LHFPL2: variants seen among roughly 807,000 people sequenced by gnomAD.
The protein encoded by LHFPL2 is LHFPL tetraspan subfamily member 2, also known as LHFPL tetraspan subfamily member 2 protein.
Under a neutral mutation model 17.5 loss-of-function variants are expected in LHFPL2, and 7 were observed. That is an observed-to-expected ratio of 0.40 (90% CI 0.23 to 0.75). LHFPL2 has a LOEUF of 0.75. Ranked by LOEUF, LHFPL2 falls within the 30% of genes least tolerant of loss-of-function variation. The pLI is 0.37. For missense variants in LHFPL2, 241 were observed against 294.8 expected (o/e 0.82, Z 1.34); for synonymous variants, 134 against 116.2 (o/e 1.15, Z -0.99).
intron 2 of LHFPL2, among the ~76,000 whole-genome samples, chr5:78,621,782 G>A (rs1484255766): frequency 6.6e-6 from 1 of 152,098 alleles, no homozygotes. Flanking sequence ...CTGTTAGCAG[G>A]TCAGGCCTGT....
intron 3 of LHFPL2, among the ~76,000 whole-genome samples, chr5:78,528,769 A>G (rs939753066): frequency 6.6e-6 from 1 of 152,238 alleles, no homozygotes; most frequent in Non-Finnish European, 1.5e-5. Context: ...CAAATAGGAA[A>G]CTGAGGCAAT....
At chr5:78,574,082 CAA>C (rs1291423541) in intron 2 of LHFPL2, among the ~76,000 whole-genome samples, 3 of 152,114 alleles carry the variant, frequency 2.0e-5, no homozygotes, top group Non-Finnish European at 4.4e-5. Flanking sequence ...TCCCAATTCC[CAA>C]AGAGGAGGAG....
At chr5:78,607,926 G>A (rs779467445) in intron 2 of LHFPL2, among the ~76,000 whole-genome samples, 1 of 152,116 alleles carries the variant, frequency 6.6e-6, no homozygotes, top group Non-Finnish European at 1.5e-5. Flanking sequence ...AATCACTCTA[G>A]GCAGTAAAAG....
intron 4 of LHFPL2, among the ~76,000 whole-genome samples, chr5:78,503,155 T>C (rs1754825408): frequency 6.6e-6 from 1 of 152,226 alleles, no homozygotes; most frequent in Admixed American, 6.5e-5. Context: ...GAATACCACC[T>C]TTGCATTAAG....
At chr5:78,561,372 C>T (rs940150644) in intron 3 of LHFPL2, among the ~76,000 whole-genome samples, 2 of 152,320 alleles carry the variant, frequency 1.3e-5, no homozygotes, top group East Asian at 1.9e-4. Context: ...ACTACCGTAT[C>T]GGATGGTGCA....
At chr5:78,531,216 G>C (rs1355968390) in intron 3 of LHFPL2, among the ~76,000 whole-genome samples, 2 of 152,096 alleles carry the variant, frequency 1.3e-5, no homozygotes. Flanking sequence ...GGGAGTTCGA[G>C]ACCAGCCTGA....
intron 3 of LHFPL2, among the ~76,000 whole-genome samples, chr5:78,553,268 CCT>C (rs1756494331): frequency 1.3e-5 from 2 of 152,180 alleles, no homozygotes. Context: ...CTGCCATTCC[CCT>C]CTTTCATCCC....
intron 1 of LHFPL2, among the ~76,000 whole-genome samples, chr5:78,635,527 G>T (rs966957962): frequency 6.6e-6 from 1 of 152,250 alleles, no homozygotes; most frequent in Non-Finnish European, 1.5e-5. Context: ...AACCGGCCAG[G>T]CACAGTGGCT....
intron 3 of LHFPL2, among the ~76,000 whole-genome samples, chr5:78,528,525 G>A (rs1050612921): frequency 6.6e-6 from 1 of 152,120 alleles, no homozygotes; most frequent in Admixed American, 6.5e-5. Context: ...TGTCTTCCAC[G>A]AAACAGGTCC....
intron 2 of LHFPL2, among the ~76,000 whole-genome samples, chr5:78,593,900 A>G (rs559989263): frequency 2.0e-5 from 3 of 152,294 alleles, no homozygotes; most frequent in East Asian, 3.9e-4. Flanking sequence ...ATGAGGCAAG[A>G]AGGAGGGGGG....
intron 3 of LHFPL2, among the ~76,000 whole-genome samples, chr5:78,536,551 A>T (rs1411621143): frequency 6.6e-6 from 1 of 152,198 alleles, no homozygotes; most frequent in Non-Finnish European, 1.5e-5. Context: ...GAAAATTTTA[A>T]ATGACCAAAA....
intron 4 of LHFPL2, among the ~76,000 whole-genome samples, chr5:78,500,024 GAAAA>G (rs1031385394): frequency 1.5e-5 from 1 of 66,094 alleles, no homozygotes; most frequent in African/African-American, 5.9e-5. Context: ...GGACCAAAAG[GAAAA>G]AAAAAAAAAG....
rs1743534353 is a variant in LHFPL2, at chr5:78,589,126, C to G, written c.-244-24255G>C. Among the ~76,000 whole-genome samples, 2 of 152,052 alleles carry G rather than the reference C, an allele frequency of 1.3e-5. 1 individual carries two copies. The highest frequency in any genetic ancestry group is 4.1e-4 in the South Asian group (2 of 4,826). ...CCCAGACTGTGCTTTCCATTGCATCCAGTTGCCATTGAGATACAAAGTGGG... is the reference window on the plus strand; with the variant it reads ...CCCAGACTGTGCTTTCCATTGCATCGAGTTGCCATTGAGATACAAAGTGGG... On this transcript the variant is annotated intron_variant, in intron 2 of 4. Coordinates refer to ENST00000380345, the MANE Select transcript of LHFPL2 (RefSeq NM_005779.3).
chr5:78,638,917 T>TA (rs2112524762), intron 1 of LHFPL2, among the ~76,000 whole-genome samples: 1 of 152,308 alleles, frequency 6.6e-6, no homozygotes, highest in South Asian at 2.1e-4. Context: ...AAATCAAATA[T>TA]ACACATCCCA....
At chr5:78,584,204 T>C (rs1445602053) in intron 2 of LHFPL2, among the ~76,000 whole-genome samples, 1 of 151,726 alleles carries the variant, frequency 6.6e-6, no homozygotes, top group Non-Finnish European at 1.5e-5. Flanking sequence ...TTCAAAGTTT[T>C]CAACTTCTTT....
chr5:78,502,013 G>T (rs990121944), intron 4 of LHFPL2, among the ~76,000 whole-genome samples: 3 of 151,906 alleles, frequency 2.0e-5, no homozygotes, highest in Non-Finnish European at 4.4e-5. Flanking sequence ...AAAAAAAGAA[G>T]CTTGCATTAA....
At chr5:78,622,211 G>A (rs1744879501) in intron 2 of LHFPL2, among the ~76,000 whole-genome samples, 1 of 152,082 alleles carries the variant, frequency 6.6e-6, no homozygotes, top group Non-Finnish European at 1.5e-5. Flanking sequence ...GCACTTACAT[G>A]CACTACATGC....
chr5:78,532,810 C>T (rs1755825107), intron 3 of LHFPL2, among the ~76,000 whole-genome samples: 3 of 151,842 alleles, frequency 2.0e-5, no homozygotes, highest in African/African-American at 7.3e-5. Context: ...TTACTATTAC[C>T]ATGATCATTT....
At chr5:78,550,647 T>G (rs1756413344) in intron 3 of LHFPL2, among the ~76,000 whole-genome samples, 1 of 152,194 alleles carries the variant, frequency 6.6e-6, no homozygotes, top group African/African-American at 2.4e-5. Context: ...CTCGGCTCAC[T>G]GCAATCTCCG....
Sources: allele counts gnomAD v4.1 joint callset (sites outside exome capture counted in the v4.1 genomes callset), GRCh38; gene constraint gnomAD v4.1.1; transcripts MANE v1.5; gene names NCBI Gene and HGNC (gene_info 2026-07-23, HGNC 2026-07-21).